Variants in AKR1B10 observed in about 807,000 individuals in gnomAD.
The protein encoded by AKR1B10 is aldo-keto reductase family 1 member B10.
A neutral mutation model predicts 38.9 loss-of-function variants in AKR1B10; 39 were observed. That is an observed-to-expected ratio of 1.00 (90% confidence interval 0.78 to 1.31). The LOEUF (loss-of-function observed/expected upper bound fraction) is 1.31, where lower values mean the gene tolerates loss of function less well. AKR1B10 is among the 50% of genes most tolerant of loss of function. AKR1B10 has a pLI of 0.00. For missense variants in AKR1B10, 361 were observed against 382.6 expected, an observed-to-expected ratio of 0.94 and a Z score of 0.47; for synonymous variants, 148 against 141.2, an observed-to-expected ratio of 1.05 and a Z score of -0.34.
rs1393046732 is a variant in AKR1B10 at position 134,536,757 on chromosome 7, A to G, written c.537A>G (p.Lys179=). Residue 179 remains lysine (K), a synonymous_variant, in exon 5 of 10, where the codon AAA becomes AAG. Coordinates refer to ENST00000359579, the MANE Select transcript of AKR1B10 (RefSeq NM_020299.5). The part of the protein sequence containing the change: ...KLLNKPGLKY[K]PVTNQVECHP... ...TGAACAAACCTGGACTGAAATATAA[A>G]CCAGTGACTAACCAGGTAAATTCTA... 6.2e-7 allele frequency: 1 copy of G among 1,613,856 alleles called. No individual in the cohort carries two copies. Among genetic ancestry groups the G allele is most frequent in the Non-Finnish European group, 8.5e-7 (1 of 1,179,806 alleles).
chr7:134,540,231 A>G (rs1203696413), intron 9 of AKR1B10, among the ~76,000 whole-genome samples: 1 of 151,986 alleles, frequency 6.6e-6, no homozygotes, highest in South Asian at 2.1e-4. Context: ...AAAAAAAAAA[A>G]GGTTTCAGTA....
chr7:134,528,560 C>T (rs570002063), intron 1 of AKR1B10, among the ~76,000 whole-genome samples: 33 of 152,202 alleles, frequency 2.2e-4, no homozygotes, highest in Non-Finnish European at 4.0e-4. Context: ...TCCATTTCTA[C>T]AAAAAATAAA....
intron 4 of AKR1B10, among the ~76,000 whole-genome samples, chr7:134,534,787 C>T (rs1231660589): frequency 1.3e-5 from 2 of 152,152 alleles, no homozygotes; most frequent in Non-Finnish European, 2.9e-5. Context: ...TATCTAATTG[C>T]CCCATCTGAA....
At position 134,539,527 on chromosome 7, in the gene AKR1B10, G is replaced by A. The variant is rs576190866; in HGVS notation, c.908+510G>A. The stretch of plus-strand genomic sequence containing the variant: ...GTAGTGGGACTGATCCTTTATACAG[G>A]GTGTGTAAAGGGAGGCTTTGCTGTG... On this transcript the variant is annotated intron_variant, in intron 9 of 9. Transcript: ENST00000359579. Among the ~76,000 whole-genome samples the A allele has an allele frequency of 2.6e-5, 4 of 152,164 alleles. No homozygotes were observed. The East Asian group carries it at 7.7e-4, about 29-fold the overall frequency.
chr7:134,540,390 T>C (rs1808120229), intron 9 of AKR1B10, among the ~76,000 whole-genome samples: 1 of 37,874 alleles, frequency 2.6e-5, no homozygotes, highest in Admixed American at 3.4e-4. Flanking sequence ...AGGGTGAACG[T>C]AAAGTGGGAC....
chr7:134,527,970 C>T lies in AKR1B10; in HGVS notation c.59C>T (p.Thr20Ile). The T allele has an allele frequency of 6.2e-7, 1 of 1,613,956 alleles. No individual in the cohort carries two copies. The part of the protein sequence containing the change: ...KAKMPIVGLG[T>I]WKSPLGKVKE... ...AAGATGCCCATTGTGGGCCTGGGCA[C>T]TTGGAAGGTAAATATGCAAATCTTT... Residue 20 changes from threonine to isoleucine, a missense_variant, in exon 1 of 10, where the codon ACT (threonine) becomes ATT (isoleucine). Coordinates refer to ENST00000359579, the MANE Select transcript of AKR1B10 (RefSeq NM_020299.5).
At chr7:134,528,039 T>C in intron 1 of AKR1B10, 62 bp downstream of exon 1, 5 of 1,592,036 alleles carry the variant, frequency 3.1e-6, no homozygotes, top group Non-Finnish European at 4.3e-6. Context: ...GTTTTCTCTT[T>C]CTGCATTCAG....
At chr7:134,535,279 T>C (rs1807965171) in intron 4 of AKR1B10, among the ~76,000 whole-genome samples, 1 of 152,128 alleles carries the variant, frequency 6.6e-6, no homozygotes, top group Non-Finnish European at 1.5e-5. Context: ...GTAGGTATTA[T>C]AAGACTTTTT....
Position 134,538,287 on chromosome 7 carries a change from C to T in AKR1B10, c.825+10C>T, listed in dbSNP as rs557634636. 35 of 1,612,582 alleles carry T rather than the reference C, an allele frequency of 2.2e-5. 1 individual carries two copies. In the South Asian group the frequency reaches 2.2e-4, roughly 10 times the overall value. ...TGTTGAGAACATTCAGGTAAGTTTC[C>T]GGCTGGTCGGCCCTGGTATTCCTCA... is the stretch of plus-strand genomic sequence containing the variant. On this transcript the variant is annotated intron_variant, in intron 8 of 9. Transcript: ENST00000359579.
intron 3 of AKR1B10, 90 bp downstream of exon 3, chr7:134,532,114 G>A: frequency 1.4e-6 from 2 of 1,479,644 alleles, no homozygotes; most frequent in African/African-American, 1.4e-5. Flanking sequence ...GTGTGGACTG[G>A]GGCAGGAGGC....
chr7:134,536,901 T>G, intron 5 of AKR1B10, 129 bp downstream of exon 5: 3 of 1,577,158 alleles, frequency 1.9e-6, no homozygotes, highest in African/African-American at 1.3e-5. Flanking sequence ...TGGGGAGGTG[T>G]GAGGCTGATC....
intron 2 of AKR1B10, among the ~76,000 whole-genome samples, chr7:134,531,212 T>C (rs1270602436): frequency 6.6e-6 from 1 of 152,174 alleles, no homozygotes; most frequent in Non-Finnish European, 1.5e-5. Flanking sequence ...AGGGGGAATT[T>C]TAGAAAATGG....
Position 134,530,735 on chromosome 7 carries a change from T to C in AKR1B10, c.159T>C (p.His53=), listed in dbSNP as rs781731044. The C allele has an allele frequency of 1.2e-6, 2 of 1,614,004 alleles. No individual in the cohort carries two copies. The highest frequency in any genetic ancestry group is 2.2e-5 in the East Asian group (1 of 44,864). Residue 53 remains histidine, a synonymous_variant, in exon 2 of 10, where the codon CAT becomes CAC. Coordinates refer to ENST00000359579, the MANE Select transcript of AKR1B10 (RefSeq NM_020299.5). ...IDCAYVYQNE[H]EVGEAIQEKI... ...GTGCCTATGTCTATCAGAATGAACA[T>C]GAAGTGGGGGAAGCCATCCAAGAGA...
intron 2 of AKR1B10, 122 bp from the exon 3 acceptor site, chr7:134,531,786 G>C (rs1807864347): frequency 9.1e-7 from 1 of 1,100,398 alleles, no homozygotes; most frequent in Admixed American, 1.8e-5. Context: ...ATCTTAATCA[G>C]CTTTGTTACA....
chr7:134,530,832 G>A, intron 2 of AKR1B10, 22 bp downstream of exon 2: 3 of 1,595,884 alleles, frequency 1.9e-6, no homozygotes, highest in Non-Finnish European at 2.6e-6. Context: ...CATTTGGTGG[G>A]AGGCCTTCAC....
rs745653060 is a variant in AKR1B10 at position 134,531,914 on chromosome 7, C to A, written c.241C>A (p.Pro81Thr). 1.2e-6 allele frequency: 2 copies of A among 1,614,046 alleles called. No individual in the cohort carries two copies. The highest frequency in any genetic ancestry group is 1.1e-5 in the South Asian group (1 of 91,070). Residue 81 changes from proline (P) to threonine (T), a missense_variant, in exon 3 of 10, where the codon CCC (proline) becomes ACC (threonine). Pro to Thr is a conservative substitution (Grantham distance 38, BLOSUM62 -1). Around this residue, in one of 3 missense-constraint regions of AKR1B10, gnomAD observed 220 missense variants for 216.1 expected, o/e 1.02. Coordinates refer to ENST00000359579, the MANE Select transcript of AKR1B10 (RefSeq NM_020299.5). ...EDLFIVSKLW[P>T]TFFERPLVRK... ...ATTGCTACACTCTTTGCAGTTGTGG[C>A]CCACTTTCTTTGAGAGACCCCTTGT...
Position 134,538,184 on chromosome 7 carries a change from T to G in AKR1B10, c.742-10T>G. Reference sequence around the variant, plus strand: ...GCTGAGTGGAAGCCTGATGTCCCCTTTCCGCATAGGTTCTGATCCGTTTCC... The same window carrying G: ...GCTGAGTGGAAGCCTGATGTCCCCTGTCCGCATAGGTTCTGATCCGTTTCC... On this transcript the variant is annotated splice_polypyrimidine_tract_variant and intron_variant, in intron 7 of 9. Transcript: ENST00000359579. The G allele has an allele frequency of 6.2e-7, 1 of 1,613,592 alleles. No homozygotes were observed. The highest frequency in any genetic ancestry group is 8.5e-7 in the Non-Finnish European group (1 of 1,179,512).
At position 134,536,749 on chromosome 7, in the gene AKR1B10, A is replaced by G; in HGVS notation, c.529A>G (p.Lys177Glu). Residue 177 changes from lysine (K) to glutamate (E), a missense_variant, in exon 5 of 10, where the codon AAA (lysine) becomes GAA (glutamate). Lys to Glu is a moderately conservative substitution (Grantham distance 56, BLOSUM62 1). Around this residue, in one of 3 missense-constraint regions of AKR1B10, gnomAD observed 220 missense variants for 216.1 expected, o/e 1.02. Transcript: ENST00000359579. ...IEKLLNKPGL[K>E]YKPVTNQVEC... ...GAAGCTCTTGAACAAACCTGGACTGAAATATAAACCAGTGACTAACCAGGT... is the reference window on the plus strand; with the variant it reads ...GAAGCTCTTGAACAAACCTGGACTGGAATATAAACCAGTGACTAACCAGGT... 1 of 1,613,906 alleles carries G rather than the reference A, an allele frequency of 6.2e-7. No individual in the cohort carries two copies. Among genetic ancestry groups the G allele is most frequent in the Non-Finnish European group, 8.5e-7 (1 of 1,179,812 alleles).
chr7:134,530,249 C>T (rs1399593910), intron 1 of AKR1B10, among the ~76,000 whole-genome samples: 5 of 152,124 alleles, frequency 3.3e-5, no homozygotes, highest in Non-Finnish European at 7.3e-5. Context: ...CGGTCTGCAC[C>T]CCCACACACC....
Sources: allele counts gnomAD v4.1 joint callset (sites outside exome capture counted in the v4.1 genomes callset), GRCh38; gene constraint gnomAD v4.1.1; regional missense constraint gnomAD v4.1.1; transcripts MANE v1.5; gene names NCBI Gene and HGNC (gene_info 2026-07-23, HGNC 2026-07-21).